The following KCNN3 variants were observed in gnomAD, a reference collection of about 807,000 sequenced individuals.
The protein encoded by KCNN3 is small conductance calcium-activated potassium channel protein 3.
Under a neutral mutation model 62.9 loss-of-function variants are expected in KCNN3, and 16 were observed. That is an observed-to-expected ratio of 0.25 (90% CI 0.17 to 0.39). KCNN3 has a LOEUF of 0.39. KCNN3 is among the 10% of genes least tolerant of loss of function. KCNN3 has a pLI of 1.00. For missense variants in KCNN3, 599 were observed against 949.4 expected, an observed-to-expected ratio of 0.63 and a Z score of 4.85; for synonymous variants, 370 against 389.2, an observed-to-expected ratio of 0.95 and a Z score of 0.58.
intron 3 of KCNN3, among the ~76,000 whole-genome samples, chr1:154,742,800 T>C (rs1700852250): frequency 6.6e-6 from 1 of 152,158 alleles, no homozygotes; most frequent in South Asian, 2.1e-4. Context: ...CAGCAAGTGA[T>C]ACAGATAGAG....
chr1:154,822,269 G>A, intron 1 of KCNN3, 85 bp from the exon 2 acceptor site: 3 of 1,019,156 alleles, frequency 2.9e-6, no homozygotes, highest in Non-Finnish European at 4.6e-6. Flanking sequence ...AAAGAGAAGG[G>A]GTGGGGACAC....
rs1359398520 is a variant in KCNN3, at chr1:154,699,259, G to A, written c.*8717C>T. 4 of 148,498 alleles carry A rather than the reference G, an allele frequency of 2.7e-5. No homozygotes were observed. The highest frequency in any genetic ancestry group is 7.5e-5 in the African/African-American group (3 of 40,042). 9.2% of individuals were successfully genotyped at this position (148,498 alleles called of 1,614,324 possible). A position where few individuals can be genotyped will look rare whatever the true frequency, so the allele number is the denominator to read the frequency against. Reference sequence around the variant, plus strand: ...CAAACAAAAAATACATCAATGTTCCGAATAGAACCTCTCTATGTAAAGGTC... The same window carrying A: ...CAAACAAAAAATACATCAATGTTCCAAATAGAACCTCTCTATGTAAAGGTC... On this transcript the variant is annotated 3_prime_UTR_variant, in exon 8 of 8. Coordinates refer to ENST00000271915, the MANE Select transcript of KCNN3 (RefSeq NM_002249.6).
Position 154,703,813 on chromosome 1 carries a change from G to T in KCNN3, c.*4163C>A, listed in dbSNP as rs1381598992. ...AAACGTAACATCAAGGTGTGATCTAGATACAGTCAGTCTGGGCTGCTGTTG... is the reference window on the plus strand; with the variant it reads ...AAACGTAACATCAAGGTGTGATCTATATACAGTCAGTCTGGGCTGCTGTTG... On this transcript the variant is annotated 3_prime_UTR_variant, in exon 8 of 8. Coordinates refer to ENST00000271915, the MANE Select transcript of KCNN3 (RefSeq NM_002249.6). 6.6e-6 allele frequency: 1 copy of T among 152,202 alleles called. No homozygotes were observed. The highest frequency in any genetic ancestry group is 2.4e-5 in the African/African-American group (1 of 41,440). 9.4% of individuals were successfully genotyped at this position (152,202 alleles called of 1,614,324 possible).
At position 154,870,060 on chromosome 1, in the gene KCNN3, C is replaced by T; in HGVS notation, c.-96G>A. 1 of 1,378,288 alleles carries T rather than the reference C, an allele frequency of 7.3e-7. No individual in the cohort carries two copies. The highest frequency in any genetic ancestry group is 1.0e-6 in the Non-Finnish European group (1 of 988,758). The allele number at this position is 1,378,288 out of a possible 1,614,324, so 85.4% of individuals were successfully genotyped here. A position where few individuals can be genotyped will look rare whatever the true frequency, so the allele number is the denominator to read the frequency against. ...TCAAAGAAAGCCAGGCATCCAATCT[C>T]CCCCACCAGTATCTTGGCTCCAGTC... On this transcript the variant is annotated 5_prime_UTR_variant, in exon 1 of 8. Coordinates refer to ENST00000271915, the MANE Select transcript of KCNN3 (RefSeq NM_002249.6).
At chr1:154,853,604 A>AT (rs1652392414) in intron 1 of KCNN3, among the ~76,000 whole-genome samples, 1 of 152,214 alleles carries the variant, frequency 6.6e-6, no homozygotes, top group Non-Finnish European at 1.5e-5. Context: ...AAGTGCTAGA[A>AT]TTACAGGCAT....
chr1:154,806,793 T>C lies in KCNN3; in HGVS notation c.1029+15296A>G, dbSNP rs868448957. 2.0e-5 allele frequency among the ~76,000 whole-genome samples: 3 copies of C among 152,132 alleles called. No homozygotes were observed. The South Asian group carries it at 6.2e-4, about 32-fold the overall frequency. On this transcript the variant is annotated intron_variant, in intron 2 of 7. Transcript: ENST00000271915. The stretch of plus-strand genomic sequence containing the variant: ...CCCAATGAATAAATCTTATGTCAGC[T>C]CAGGATTGTTGTAATTGCAGTTCTG...
rs1440133172 is a variant in KCNN3 at position 154,697,805 on chromosome 1, T to C, written c.*10171A>G. 1 of 152,222 alleles carries C rather than the reference T, an allele frequency of 6.6e-6. No individual in the cohort carries two copies. Among genetic ancestry groups the C allele is most frequent in the African/African-American group, 2.4e-5 (1 of 41,456 alleles). 9.4% of individuals were successfully genotyped at this position (152,222 alleles called of 1,614,324 possible). A position where few individuals can be genotyped will look rare whatever the true frequency, so the allele number is the denominator to read the frequency against. ...CTGAAGCCTGTAAGTTTTCATTCACTCCTAAAGTGTGCTGAGAAATCCTAG... is the reference window on the plus strand; with the variant it reads ...CTGAAGCCTGTAAGTTTTCATTCACCCCTAAAGTGTGCTGAGAAATCCTAG... On this transcript the variant is annotated 3_prime_UTR_variant, in exon 8 of 8. Coordinates refer to ENST00000271915, the MANE Select transcript of KCNN3 (RefSeq NM_002249.6).
chr1:154,824,944 T>G (rs772987925), intron 1 of KCNN3, among the ~76,000 whole-genome samples: 1 of 152,190 alleles, frequency 6.6e-6, no homozygotes, highest in Non-Finnish European at 1.5e-5. Context: ...ACTCTCGATA[T>G]CTTACAGATT....
At position 154,840,511 on chromosome 1, in the gene KCNN3, C is replaced by G. The variant is rs138831996; in HGVS notation, c.934-18327G>C. On this transcript the variant is annotated intron_variant, in intron 1 of 7. Transcript: ENST00000271915. ...AATCTCACAAGCCGCTTCTCACTTT[C>G]CTCTCACCGCTCCTCATTAACTGAA... Among the ~76,000 whole-genome samples the G allele has an allele frequency of 5.5e-3, 833 of 152,298 alleles. 11 individuals carry two copies. Among genetic ancestry groups the G allele is most frequent in the African/African-American group, 0.019 (807 of 41,552 alleles).
intron 2 of KCNN3, among the ~76,000 whole-genome samples, chr1:154,787,718 C>T (rs1649344101): frequency 6.6e-6 from 1 of 152,176 alleles, no homozygotes; most frequent in Non-Finnish European, 1.5e-5. Flanking sequence ...CACACCACAC[C>T]CCGTGGAGTC....
intron 3 of KCNN3, among the ~76,000 whole-genome samples, chr1:154,752,885 C>T (rs1195935025): frequency 6.6e-6 from 1 of 152,154 alleles, no homozygotes; most frequent in African/African-American, 2.4e-5. Context: ...GTTTCTCCTC[C>T]CTCGGCCTGT....
intron 2 of KCNN3, among the ~76,000 whole-genome samples, chr1:154,776,408 G>A (rs1234476052): frequency 3.3e-5 from 5 of 152,150 alleles, no homozygotes; most frequent in Non-Finnish European, 7.3e-5. Context: ...CTCGTAAACA[G>A]TGTGTGTAAA....
At chr1:154,858,799 G>A (rs1333408647) in intron 1 of KCNN3, among the ~76,000 whole-genome samples, 3 of 150,532 alleles carry the variant, frequency 2.0e-5, no homozygotes, top group Non-Finnish European at 4.4e-5. Context: ...TTGAGGTCCT[G>A]GACTCAACCG....
chr1:154,723,949 G>A (rs768543123), intron 5 of KCNN3, among the ~76,000 whole-genome samples: 7 of 152,208 alleles, frequency 4.6e-5, no homozygotes, highest in African/African-American at 9.7e-5. Flanking sequence ...CAGGGTTCCC[G>A]GCAGGCCTTA....
intron 3 of KCNN3, among the ~76,000 whole-genome samples, chr1:154,744,925 CAA>C (rs5777930): frequency 0.028 from 3,705 of 132,358 alleles, 91 homozygotes; most frequent in African/African-American, 0.071. Context: ...CACATTAAGG[CAA>C]AAAAAAAAAA....
rs1699805342 is a variant in KCNN3 at position 154,699,369 on chromosome 1, T to A, written c.*8607A>T. The A allele has an allele frequency of 6.6e-6, 1 of 152,194 alleles. No individual in the cohort carries two copies. Among genetic ancestry groups the A allele is most frequent in the South Asian group, 2.1e-4 (1 of 4,830 alleles). 9.4% of individuals were successfully genotyped at this position (152,194 alleles called of 1,614,324 possible). A position where few individuals can be genotyped will look rare whatever the true frequency, so the allele number is the denominator to read the frequency against. On this transcript the variant is annotated 3_prime_UTR_variant, in exon 8 of 8. Transcript: ENST00000271915. ...ATATATTATGAAGCATTTATATATG[T>A]ATGTATATATTATATATGAATGTGC...
chr1:154,771,498 G>A (rs1316357898), intron 3 of KCNN3, among the ~76,000 whole-genome samples: 1 of 152,200 alleles, frequency 6.6e-6, no homozygotes, highest in African/African-American at 2.4e-5. Flanking sequence ...GCTGGTCTGT[G>A]AACCAAACTT....
chr1:154,712,410 G>C (rs896118743), intron 7 of KCNN3, among the ~76,000 whole-genome samples: 3 of 152,110 alleles, frequency 2.0e-5, no homozygotes, highest in African/African-American at 7.2e-5. Flanking sequence ...GGGCCTGGAG[G>C]CTTCTCCCCA....
intron 2 of KCNN3, among the ~76,000 whole-genome samples, chr1:154,803,920 G>A (rs1028269555): frequency 6.6e-6 from 1 of 152,188 alleles, no homozygotes; most frequent in African/African-American, 2.4e-5. Flanking sequence ...CTTACCACAT[G>A]AGCATTCCCA....
Sources: gnomAD v4.1 joint callset for allele counts (sites outside exome capture counted in the v4.1 genomes callset) on GRCh38, gnomAD v4.1.1 for gene constraint, MANE v1.5 for transcripts, NCBI Gene and HGNC (gene_info 2026-07-23, HGNC 2026-07-21) for gene names.